STAT3: variants seen among roughly 807,000 people sequenced by gnomAD.
STAT3 encodes the protein signal transducer and activator of transcription 3.
Under a neutral mutation model 114.3 loss-of-function variants are expected in STAT3, and 7 were observed. The observed-to-expected ratio is 0.06, with a 90% confidence interval of 0.03 to 0.11. The LOEUF (loss-of-function observed/expected upper bound fraction) is 0.11, where lower values mean the gene tolerates loss of function less well. STAT3 is among the 10% of genes least tolerant of loss of function. The probability of loss-of-function intolerance (pLI) is 1.00; values close to 1 mark genes in which losing one functional copy is unlikely to be tolerated. For missense variants in STAT3, 364 were observed against 960.9 expected, an observed-to-expected ratio of 0.38 and a Z score of 8.21; for synonymous variants, 331 against 354.5, an observed-to-expected ratio of 0.93 and a Z score of 0.74.
At chr17:42,345,717 A>AC in intron 3 of STAT3, 60 bp from the exon 4 acceptor site, 1 of 1,431,402 alleles carries the variant, frequency 7.0e-7, no homozygotes, top group Non-Finnish European at 9.6e-7. Context: ...TGTGGACTGA[A>AC]CTGTGGCACC....
chr17:42,360,766 G>GT (rs763704735), intron 1 of STAT3, among the ~76,000 whole-genome samples: 4 of 152,090 alleles, frequency 2.6e-5, no homozygotes, highest in Non-Finnish European at 4.4e-5. Context: ...GAAGGATCTA[G>GT]TAGTCTAGCT....
chr17:42,358,933 C>CTTTTTT lies in STAT3; in HGVS notation c.-23-10400_-23-10395dup, dbSNP rs35099574. 5.7e-3 allele frequency among the ~76,000 whole-genome samples: 571 copies of CTTTTTT among 100,448 alleles called. 43 individuals carry two copies. Among genetic ancestry groups the CTTTTTT allele is most frequent in the Non-Finnish European group, 6.1e-3 (326 of 53,346 alleles). The allele number at this position is 100,448 out of a possible 152,430, so 65.9% of individuals were successfully genotyped here. A position where few individuals can be genotyped will look rare whatever the true frequency, so the allele number is the denominator to read the frequency against. ...GTCTCCCTTTCATGGACATTTCTTA[C>CTTTTTT]TTTTTTTTTTTTTTTTTTTGAGATG... On this transcript the variant is annotated intron_variant, in intron 1 of 23. Transcript: ENST00000264657.
At chr17:42,386,520 CCTTT>C (rs1172308354) in intron 1 of STAT3, among the ~76,000 whole-genome samples, 3 of 152,008 alleles carry the variant, frequency 2.0e-5, no homozygotes, top group Admixed American at 6.6e-5. Context: ...TTCCTCCTTT[CCTTT>C]CTTTCTTTCT....
chr17:42,343,871 A>C (rs1473304416), intron 4 of STAT3, among the ~76,000 whole-genome samples: 1 of 152,118 alleles, frequency 6.6e-6, no homozygotes, highest in Non-Finnish European at 1.5e-5. Context: ...TGCTAGTTCC[A>C]ATTGTTATTG....
At chr17:42,356,523 G>GTATA (rs896763430) in intron 1 of STAT3, among the ~76,000 whole-genome samples, 381 of 145,168 alleles carry the variant, frequency 2.6e-3, no homozygotes, top group Non-Finnish European at 4.2e-3. Flanking sequence ...TTGTGTGTGT[G>GTATA]TATATATATA....
chr17:42,372,188 C>T (rs1165800611), intron 1 of STAT3, among the ~76,000 whole-genome samples: 2 of 152,088 alleles, frequency 1.3e-5, no homozygotes, highest in Non-Finnish European at 2.9e-5. Context: ...ATACTCTTAC[C>T]ATATGATCTA....
chr17:42,369,941 G>A (rs545497643), intron 1 of STAT3, among the ~76,000 whole-genome samples: 2 of 151,990 alleles, frequency 1.3e-5, no homozygotes, highest in East Asian at 3.9e-4. Context: ...TTATACAGAT[G>A]TAAGTCACTG....
rs1173424047 is a variant in STAT3, at chr17:42,323,107, C to T, written c.1785G>A (p.Arg595=). 1.9e-6 allele frequency: 3 copies of T among 1,614,032 alleles called. No individual in the cohort carries two copies. The highest frequency in any genetic ancestry group is 8.5e-7 in the Non-Finnish European group (1 of 1,180,024). ...IMGFISKERE[R]AILSTKPPGT... is the part of the protein sequence containing the mutation. ...CTGGAGGCTTAGTGCTCAAGATGGCCCGCTCCCGCTCCTTACTGATAAAGC... is the reference window on the plus strand; with the variant it reads ...CTGGAGGCTTAGTGCTCAAGATGGCTCGCTCCCGCTCCTTACTGATAAAGC... The change falls in exon 20 of 24, where the codon CGG becomes CGA. Residue 595 remains arginine (R), a synonymous_variant. Coordinates refer to ENST00000264657, the MANE Select transcript of STAT3 (RefSeq NM_139276.3).
chr17:42,381,872 C>CT (rs200020304), intron 1 of STAT3, among the ~76,000 whole-genome samples: 28 of 151,074 alleles, frequency 1.9e-4, no homozygotes, highest in Admixed American at 2.6e-4. Flanking sequence ...TCCTACAAGT[C>CT]TTTTTTTTTA....
At chr17:42,331,288 C>T (rs17879442) in intron 11 of STAT3, among the ~76,000 whole-genome samples, 184 bp downstream of exon 11, 185 of 152,250 alleles carry the variant, frequency 1.2e-3, no homozygotes, top group African/African-American at 4.3e-3. Flanking sequence ...CAAATCTGTA[C>T]CCCCAGCTTT....
intron 1 of STAT3, among the ~76,000 whole-genome samples, chr17:42,350,169 TGA>T (rs1292884727): frequency 3.9e-5 from 6 of 152,196 alleles, no homozygotes; most frequent in South Asian, 2.1e-4. Flanking sequence ...GAACATTTAA[TGA>T]GAGACTGAAC....
In STAT3 at chr17:42,355,864, C is replaced by T. The variant is rs536298659; in HGVS notation, c.-23-7325G>A. Among the ~76,000 whole-genome samples the T allele has an allele frequency of 3.9e-5, 6 of 152,308 alleles. No individual in the cohort carries two copies. In the South Asian group the frequency reaches 1.2e-3, roughly 32 times the overall value. The stretch of plus-strand genomic sequence containing the variant: ...AAAGTTAAGACTTGTACTTCACATC[C>T]ATGCACTAGTGGATTTACAACGAGG... On this transcript the variant is annotated intron_variant, in intron 1 of 23. Transcript: ENST00000264657.
At chr17:42,362,275 T>C (rs2083550626) in intron 1 of STAT3, among the ~76,000 whole-genome samples, 1 of 152,204 alleles carries the variant, frequency 6.6e-6, no homozygotes, top group African/African-American at 2.4e-5. Flanking sequence ...GGTTCAGGGT[T>C]TGTACTCCAG....
chr17:42,326,134 G>A lies in STAT3; in HGVS notation c.1347C>T (p.Gly449=), dbSNP rs2081709779. The change falls in exon 15 of 24, where the codon GGC becomes GGT. Residue 449 remains glycine, a synonymous_variant. Transcript: ENST00000264657. Reference sequence around the variant, plus strand: ...AACTTACCTCTAGGTCAATCTTGAGGCCTTGGTGATACACCTCGGTCTCAA... The same window carrying A: ...AACTTACCTCTAGGTCAATCTTGAGACCTTGGTGATACACCTCGGTCTCAA... ...ITFETEVYHQ[G]LKIDLETHSL... 29 of 1,614,012 alleles carry A rather than the reference G, an allele frequency of 1.8e-5. No individual in the cohort carries two copies. Among genetic ancestry groups the A allele is most frequent in the Non-Finnish European group, 2.4e-5 (28 of 1,179,914 alleles).
At chr17:42,321,936 A>C (rs1036363597) in intron 21 of STAT3, among the ~76,000 whole-genome samples, 5 of 151,940 alleles carry the variant, frequency 3.3e-5, no homozygotes, top group Non-Finnish European at 5.9e-5. Flanking sequence ...TGATCCTCCC[A>C]CCTCAGCCTC....
At chr17:42,356,936 C>A (rs765543952) in intron 1 of STAT3, among the ~76,000 whole-genome samples, 2 of 152,120 alleles carry the variant, frequency 1.3e-5, no homozygotes, top group Admixed American at 1.3e-4. Context: ...TACAGGCATG[C>A]GCCATCATAC....
At chr17:42,317,586 G>C (rs931142972) in intron 21 of STAT3, 1 of 346,706 alleles carries the variant, frequency 2.9e-6, no homozygotes, top group Non-Finnish European at 5.5e-6. Context: ...ATTCCGGCCT[G>C]GTCATATCTC....
At chr17:42,387,592 T>C (rs888656543) in intron 1 of STAT3, 1 of 152,114 alleles carries the variant, frequency 6.6e-6, no homozygotes, top group Non-Finnish European at 1.5e-5. Flanking sequence ...GGGGATTTTA[T>C]TTTGTCTTTT....
rs2144896420 is a variant in STAT3 at position 42,339,402 on chromosome 17, C to T, written c.380G>A (p.Gly127Asp). The T allele has an allele frequency of 6.2e-7, 1 of 1,614,004 alleles. No individual in the cohort carries two copies. Among genetic ancestry groups the T allele is most frequent in the Non-Finnish European group, 8.5e-7 (1 of 1,179,946 alleles). The change falls in exon 5 of 24, where the codon GGC (glycine) becomes GAC (aspartate). Residue 127 changes from glycine (G) to aspartate (D), a missense_variant. Physicochemically the swap from Gly to Asp is moderately conservative, Grantham distance 94. Transcript: ENST00000264657. ...GGCTGCTGTGGGGTGGTTGGCCTGG[C>T]CCCCTTGCTGCCAAAAAGGAGGTCA... is the stretch of plus-strand genomic sequence containing the variant. ...QTAATAAQQG[G>D]QANHPTAAVV...
Sources: allele counts gnomAD v4.1 joint callset (sites outside exome capture counted in the v4.1 genomes callset), GRCh38; gene constraint gnomAD v4.1.1; transcripts MANE v1.5; gene names NCBI Gene and HGNC (gene_info 2026-07-23, HGNC 2026-07-21).